The following KCND2 variants were observed in gnomAD, a reference collection of about 807,000 sequenced individuals.
KCND2 encodes the protein A-type voltage-gated potassium channel KCND2.
KCND2 carries 16 observed loss-of-function variants against 54.4 expected under a neutral mutation model. The observed-to-expected ratio is 0.29, with a 90% confidence interval of 0.20 to 0.45. The LOEUF is 0.45. Ranked by LOEUF, KCND2 falls within the 20% of genes least tolerant of loss-of-function variation. The pLI is 1.00. For synonymous variants in KCND2, 317 were observed against 310.7 expected, an observed-to-expected ratio of 1.02 and a Z score of -0.21; for missense variants, 486 against 824.2, an observed-to-expected ratio of 0.59 and a Z score of 5.02.
intron 1 of KCND2, among the ~76,000 whole-genome samples, chr7:120,675,091 C>A (rs1792043569): frequency 6.6e-6 from 1 of 151,516 alleles, no homozygotes; most frequent in East Asian, 1.9e-4. Context: ...GTTTTTCTTA[C>A]AAGTCTCTCA....
chr7:120,507,290 G>T (rs1034659756), intron 1 of KCND2, among the ~76,000 whole-genome samples: 3 of 151,832 alleles, frequency 2.0e-5, no homozygotes, highest in Non-Finnish European at 2.9e-5. Context: ...CAAAATTTAT[G>T]GAGAGTGGAG....
chr7:120,316,859 C>T (rs548860333), intron 1 of KCND2, among the ~76,000 whole-genome samples: 15 of 148,050 alleles, frequency 1.0e-4, no homozygotes, highest in African/African-American at 2.8e-4. Flanking sequence ...TTTTTTGGGA[C>T]GAGGTCTCAC....
At chr7:120,608,379 A>T (rs1792909733) in intron 1 of KCND2, among the ~76,000 whole-genome samples, 1 of 152,178 alleles carries the variant, frequency 6.6e-6, no homozygotes, top group Non-Finnish European at 1.5e-5. Context: ...TAGACAAAGA[A>T]GAAATTACTC....
chr7:120,342,031 A>G (rs554027659), intron 1 of KCND2, among the ~76,000 whole-genome samples: 22 of 152,308 alleles, frequency 1.4e-4, no homozygotes, highest in African/African-American at 5.1e-4. Context: ...GTCATACTGT[A>G]GGAATCATTA....
At position 120,747,823 on chromosome 7, in the gene KCND2, T is replaced by A. The variant is rs1362663266; in HGVS notation, c.1858T>A (p.Ser620Thr). 6.2e-7 allele frequency: 1 copy of A among 1,612,436 alleles called. No individual in the cohort carries two copies. Among genetic ancestry groups the A allele is most frequent in the Non-Finnish European group, 8.5e-7 (1 of 1,178,964 alleles). Residue 620 changes from serine (S) to threonine (T), a missense_variant, in exon 6 of 6, where the codon TCA (serine) becomes ACA (threonine). Ser to Thr is a moderately conservative substitution (Grantham distance 58, BLOSUM62 1). Around this residue, in one of 7 missense-constraint regions of KCND2, gnomAD observed 202 missense variants for 252.7 expected, o/e 0.80. Transcript: ENST00000331113. ...GDDRPESPEYSGGNIVRVSAL is the reference protein window; with the variant it reads ...GDDRPESPEYTGGNIVRVSAL ...CGATAGGCCAGAATCCCCTGAGTAC[T>A]CAGGAGGAAATATTGTCAGAGTTTC...
At chr7:120,515,089 C>T (rs1244051716) in intron 1 of KCND2, among the ~76,000 whole-genome samples, 1 of 151,932 alleles carries the variant, frequency 6.6e-6, no homozygotes, top group Non-Finnish European at 1.5e-5. Flanking sequence ...ATTTTTTTCA[C>T]ACCCAAAATG....
At chr7:120,608,804 C>G (rs1056256726) in intron 1 of KCND2, among the ~76,000 whole-genome samples, 1 of 152,074 alleles carries the variant, frequency 6.6e-6, no homozygotes, top group South Asian at 2.1e-4. Flanking sequence ...AAAGTTTAGA[C>G]GAGAGGCTGA....
At chr7:120,364,114 A>G (rs1800634300) in intron 1 of KCND2, among the ~76,000 whole-genome samples, 1 of 152,164 alleles carries the variant, frequency 6.6e-6, no homozygotes, top group Non-Finnish European at 1.5e-5. Context: ...TGTTGAATGT[A>G]TTGTTCTTAG....
At chr7:120,499,658 T>C (rs534149330) in intron 1 of KCND2, among the ~76,000 whole-genome samples, 1 of 152,264 alleles carries the variant, frequency 6.6e-6, no homozygotes, top group South Asian at 2.1e-4. Flanking sequence ...GCCTCCAACA[T>C]ACACCCTTTC....
At chr7:120,621,872 G>A (rs937341266) in intron 1 of KCND2, among the ~76,000 whole-genome samples, 1 of 151,984 alleles carries the variant, frequency 6.6e-6, no homozygotes, top group Non-Finnish European at 1.5e-5. Flanking sequence ...GTATGAATAG[G>A]CCCCATTCCT....
chr7:120,291,146 A>G (rs1352859716), intron 1 of KCND2, among the ~76,000 whole-genome samples: 2 of 151,988 alleles, frequency 1.3e-5, no homozygotes, highest in Non-Finnish European at 2.9e-5. Flanking sequence ...TGATTTGCCC[A>G]TCATAAGTGC....
chr7:120,580,134 G>T (rs1792496552), intron 1 of KCND2, among the ~76,000 whole-genome samples: 1 of 152,178 alleles, frequency 6.6e-6, no homozygotes, highest in Non-Finnish European at 1.5e-5. Context: ...CAGGATTTAT[G>T]TATCAGCACA....
At chr7:120,276,660 C>A (rs1799179867) in intron 1 of KCND2, among the ~76,000 whole-genome samples, 1 of 151,958 alleles carries the variant, frequency 6.6e-6, no homozygotes. Flanking sequence ...ACCAAAGGGA[C>A]AAATTTCTGA....
At chr7:120,470,649 A>G (rs1352385855) in intron 1 of KCND2, among the ~76,000 whole-genome samples, 2 of 152,014 alleles carry the variant, frequency 1.3e-5, no homozygotes, top group Non-Finnish European at 2.9e-5. Flanking sequence ...GAATTAAGTG[A>G]CCTTTAACTA....
intron 1 of KCND2, among the ~76,000 whole-genome samples, chr7:120,653,201 AT>A (rs34093547): frequency 0.14 from 18,810 of 137,550 alleles, 1,886 homozygotes; most frequent in African/African-American, 0.3. Context: ...GCCTGGCTAC[AT>A]TTTTTTTTTT....
chr7:120,667,345 G>A (rs757183440), intron 1 of KCND2, among the ~76,000 whole-genome samples: 1 of 152,056 alleles, frequency 6.6e-6, no homozygotes, highest in Non-Finnish European at 1.5e-5. Context: ...AAAGTCTTCT[G>A]TACACAGCTT....
At chr7:120,735,910 T>A (rs923799936) in intron 2 of KCND2, among the ~76,000 whole-genome samples, 2 of 152,062 alleles carry the variant, frequency 1.3e-5, no homozygotes, top group Non-Finnish European at 2.9e-5. Flanking sequence ...GGATATTTTC[T>A]ATTTTCCTTC....
At chr7:120,494,038 G>T (rs1802818347) in intron 1 of KCND2, among the ~76,000 whole-genome samples, 1 of 152,098 alleles carries the variant, frequency 6.6e-6, no homozygotes, top group Admixed American at 6.6e-5. Flanking sequence ...ATAACAAACA[G>T]AATAATATTT....
intron 1 of KCND2, among the ~76,000 whole-genome samples, chr7:120,670,512 G>A (rs1476790024): frequency 1.3e-5 from 2 of 152,036 alleles, no homozygotes; most frequent in African/African-American, 4.8e-5. Flanking sequence ...GCTGTCCAGA[G>A]CCACCACCCG....
Sources: gnomAD v4.1 joint callset for allele counts (sites outside exome capture counted in the v4.1 genomes callset) on GRCh38, gnomAD v4.1.1 for gene constraint, gnomAD v4.1.1 regional missense constraint, MANE v1.5 for transcripts, NCBI Gene and HGNC (gene_info 2026-07-23, HGNC 2026-07-21) for gene names.